The following GLRA1 variants were observed in gnomAD, a reference collection of about 807,000 sequenced individuals.
The protein encoded by GLRA1 is glycine receptor subunit alpha-1.
In GLRA1, 37 loss-of-function variants were observed where a neutral mutation model predicts 48.3. That is an observed-to-expected ratio of 0.77 (90% CI 0.59 to 1.01). GLRA1 has a LOEUF of 1.01. GLRA1 is among the 50% of genes least tolerant of loss of function. The pLI is 0.00. For synonymous variants in GLRA1, 196 were observed against 210.7 expected (o/e 0.93, Z 0.60); for missense variants, 427 against 571.0 (o/e 0.75, Z 2.57).
intron 1 of GLRA1, among the ~76,000 whole-genome samples, chr5:151,896,871 A>G (rs1296354419): frequency 6.6e-6 from 1 of 152,258 alleles, no homozygotes; most frequent in East Asian, 1.9e-4. Flanking sequence ...AGACAAAAAG[A>G]GAAGAGTTTA....
chr5:151,834,707 A>G (rs192720052), intron 7 of GLRA1, among the ~76,000 whole-genome samples: 2 of 152,286 alleles, frequency 1.3e-5, no homozygotes, highest in East Asian at 3.9e-4. Context: ...GAAGATTAAT[A>G]AAATATATAG....
chr5:151,855,563 G>T (rs1473471713), intron 5 of GLRA1, among the ~76,000 whole-genome samples: 1 of 152,066 alleles, frequency 6.6e-6, no homozygotes, highest in Admixed American at 6.5e-5. Context: ...CACTGGCTGG[G>T]GTAGACGGGG....
At chr5:151,887,062 C>T (rs1753926490) in intron 2 of GLRA1, among the ~76,000 whole-genome samples, 1 of 152,190 alleles carries the variant, frequency 6.6e-6, no homozygotes, top group Non-Finnish European at 1.5e-5. Context: ...TCATCAGCCG[C>T]CATATGGTTG....
intron 3 of GLRA1, among the ~76,000 whole-genome samples, chr5:151,868,778 C>T (rs1055325171): frequency 6.6e-6 from 1 of 152,170 alleles, no homozygotes; most frequent in Non-Finnish European, 1.5e-5. Context: ...CTGCCTCGAG[C>T]CATGGATTTG....
intron 7 of GLRA1, among the ~76,000 whole-genome samples, chr5:151,830,981 G>T (rs1026440334): frequency 6.6e-6 from 1 of 152,208 alleles, no homozygotes; most frequent in African/African-American, 2.4e-5. Flanking sequence ...TAGACAGTGG[G>T]TGCAGCCCAC....
At chr5:151,878,532 G>C (rs1478992511) in intron 3 of GLRA1, among the ~76,000 whole-genome samples, 1 of 152,156 alleles carries the variant, frequency 6.6e-6, no homozygotes, top group African/African-American at 2.4e-5. Flanking sequence ...CATGTCAGAG[G>C]TCTTCACAGC....
intron 7 of GLRA1, among the ~76,000 whole-genome samples, chr5:151,839,590 A>G (rs1763663288): frequency 6.6e-6 from 1 of 152,094 alleles, no homozygotes; most frequent in Admixed American, 6.6e-5. Context: ...TGAAGTCCTT[A>G]CCCCCATTAT....
chr5:151,918,638 G>C (rs1754795120), intron 1 of GLRA1, among the ~76,000 whole-genome samples: 1 of 152,194 alleles, frequency 6.6e-6, no homozygotes, highest in Non-Finnish European at 1.5e-5. Context: ...ATCAGAAAAG[G>C]AGGGAATATA....
intron 1 of GLRA1, among the ~76,000 whole-genome samples, chr5:151,919,956 C>T (rs979543889): frequency 2.6e-5 from 4 of 152,212 alleles, no homozygotes; most frequent in Non-Finnish European, 2.9e-5. Flanking sequence ...TCGCAGGACG[C>T]GCGAACAGGC....
intron 3 of GLRA1, among the ~76,000 whole-genome samples, chr5:151,861,316 T>C (rs1173940168): frequency 3.3e-5 from 5 of 152,232 alleles, no homozygotes. Context: ...TCTTCCACAA[T>C]GGTTGAACTA....
At chr5:151,907,647 A>G (rs545122226) in intron 1 of GLRA1, among the ~76,000 whole-genome samples, 53 of 152,356 alleles carry the variant, frequency 3.5e-4, no homozygotes, top group African/African-American at 1.2e-3. Flanking sequence ...AGTTCAATCA[A>G]TCGGAGGCAC....
chr5:151,867,206 CT>C (rs1267635754), intron 3 of GLRA1, among the ~76,000 whole-genome samples: 6 of 152,162 alleles, frequency 3.9e-5, no homozygotes, highest in African/African-American at 1.4e-4. Flanking sequence ...TCTGGAAAAG[CT>C]TTTCAGGAGA....
chr5:151,911,965 G>A (rs142333116), intron 1 of GLRA1, among the ~76,000 whole-genome samples: 1 of 152,142 alleles, frequency 6.6e-6, no homozygotes, highest in Non-Finnish European at 1.5e-5. Flanking sequence ...TTAAGAATTA[G>A]GCAATGACAG....
At chr5:151,838,580 A>G (rs59314292) in intron 7 of GLRA1, among the ~76,000 whole-genome samples, 4,988 of 152,292 alleles carry the variant, frequency 0.033, 266 homozygotes, top group African/African-American at 0.11. Context: ...AGAAGACAGA[A>G]GAATCAGGAA....
At chr5:151,859,693 C>G in intron 4 of GLRA1, 92 bp downstream of exon 4, 1 of 929,748 alleles carries the variant, frequency 1.1e-6, no homozygotes, top group Non-Finnish European at 1.8e-6. Context: ...CTGTTCACCT[C>G]TGTTTGGCCC....
intron 8 of GLRA1, among the ~76,000 whole-genome samples, chr5:151,826,885 A>G (rs1290519314): frequency 6.6e-6 from 1 of 152,226 alleles, no homozygotes; most frequent in East Asian, 1.9e-4. Flanking sequence ...CTAGTAAAAT[A>G]TCTTGGACAT....
chr5:151,875,007 A>C (rs1753588054), intron 3 of GLRA1, among the ~76,000 whole-genome samples: 1 of 152,082 alleles, frequency 6.6e-6, no homozygotes. Flanking sequence ...TTTAACTAGG[A>C]GCTGAGAGCA....
At chr5:151,901,981 C>T (rs1334712405) in intron 1 of GLRA1, among the ~76,000 whole-genome samples, 1 of 152,092 alleles carries the variant, frequency 6.6e-6, no homozygotes, top group East Asian at 1.9e-4. Context: ...TTGACTCTTC[C>T]AAGTGATAGT....
At chr5:151,871,038 T>C (rs2113378379) in intron 3 of GLRA1, among the ~76,000 whole-genome samples, 1 of 149,672 alleles carries the variant, frequency 6.7e-6, no homozygotes, top group African/African-American at 2.6e-5. Flanking sequence ...ATAAGTTCAT[T>C]GCTGTGACAC....
Sources: gnomAD v4.1 joint callset for allele counts (sites outside exome capture counted in the v4.1 genomes callset) on GRCh38, gnomAD v4.1.1 for gene constraint, MANE v1.5 for transcripts, NCBI Gene and HGNC (gene_info 2026-07-23, HGNC 2026-07-21) for gene names.